MREG: variants seen among roughly 807,000 people sequenced by gnomAD.
MREG encodes dilute suppressor protein homolog.
Under a neutral mutation model 28.5 loss-of-function variants are expected in MREG, and 31 were observed. The ratio of observed to expected loss-of-function variants is 1.09; its 90% CI spans 0.82 to 1.47. The LOEUF is 1.47. Ranked by LOEUF, MREG falls within the 40% of genes most tolerant of loss-of-function variation. The pLI, the probability that MREG is intolerant of heterozygous loss-of-function variation, is 0.00. For synonymous variants in MREG, 106 were observed against 95.2 expected, an observed-to-expected ratio of 1.11 and a Z score of -0.66; for missense variants, 256 against 257.4, an observed-to-expected ratio of 0.99 and a Z score of 0.04.
intron 2 of MREG, among the ~76,000 whole-genome samples, chr2:215,948,237 T>TTTGCGA (rs1692371850): frequency 6.6e-6 from 1 of 152,240 alleles, no homozygotes; most frequent in Non-Finnish European, 1.5e-5. Context: ...TGTTTATAGA[T>TTTGCGA]ACCACTTGGA....
chr2:215,972,249 T>A (rs754499422), intron 2 of MREG, among the ~76,000 whole-genome samples: 3 of 152,194 alleles, frequency 2.0e-5, no homozygotes, highest in Non-Finnish European at 2.9e-5. Context: ...AAAGGTTATC[T>A]GGAACTCCAG....
intron 1 of MREG, among the ~76,000 whole-genome samples, chr2:216,002,792 A>C: frequency 6.7e-6 from 1 of 149,950 alleles, no homozygotes; most frequent in African/African-American, 2.5e-5. Flanking sequence ...TCTTTCCTTC[A>C]GTCCCTCCTT....
chr2:215,976,106 T>C, intron 2 of MREG, among the ~76,000 whole-genome samples: 2 of 86,448 alleles, frequency 2.3e-5, no homozygotes, highest in South Asian at 6.3e-4. Context: ...GGACTCCGTC[T>C]CAAAAAAAAA....
intron 2 of MREG, among the ~76,000 whole-genome samples, chr2:215,980,310 G>A (rs1158162618): frequency 6.6e-6 from 1 of 152,202 alleles, no homozygotes. Flanking sequence ...CTCCAGGGCA[G>A]TGAGGTCAAT....
At chr2:216,016,138 T>C (rs1237896349), upstream of MREG, among the ~76,000 whole-genome samples, 3 of 152,118 alleles carry the variant, frequency 2.0e-5, no homozygotes. Flanking sequence ...TCATGAAACA[T>C]TAACAGGATG....
rs1439821133 is a variant in MREG, at chr2:215,943,510, T to C, written c.*1353A>G. On this transcript the variant is annotated 3_prime_UTR_variant, in exon 5 of 5. Transcript: ENST00000263268. ...GAAAGAGGAGAGAAGAAAACAGAGG[T>C]CAAACACTTCAGTTTACAGATGCTA... 5 of 456,264 alleles carry C rather than the reference T, an allele frequency of 1.1e-5. No individual in the cohort carries two copies. Among genetic ancestry groups the C allele is most frequent in the Non-Finnish European group, 2.2e-5 (5 of 226,838 alleles). The allele number at this position is 456,264 out of a possible 1,614,324, so 28.3% of individuals were successfully genotyped here. A position where few individuals can be genotyped will look rare whatever the true frequency, so the allele number is the denominator to read the frequency against.
chr2:215,964,398 C>T (rs963844850), intron 2 of MREG, among the ~76,000 whole-genome samples: 19 of 152,128 alleles, frequency 1.2e-4, no homozygotes, highest in African/African-American at 4.1e-4. Flanking sequence ...GCACCAGAAT[C>T]GCTTGAACCC....
chr2:215,944,823 C>T lies in MREG; in HGVS notation c.*40G>A. On this transcript the variant is annotated 3_prime_UTR_variant, in exon 5 of 5. Coordinates refer to ENST00000263268, the MANE Select transcript of MREG (RefSeq NM_018000.3). ...GTCCAACTTTGGTTGACTGCTGAGT[C>T]CTCATGGAAGAATTCCCATTCTGCC... 1 of 1,547,272 alleles carries T rather than the reference C, an allele frequency of 6.5e-7. No homozygotes were observed. The highest frequency in any genetic ancestry group is 1.7e-5 in the Admixed American group (1 of 58,020).
chr2:216,000,058 C>T (rs1164142419), intron 1 of MREG, among the ~76,000 whole-genome samples: 1 of 152,224 alleles, frequency 6.6e-6, no homozygotes, highest in African/African-American at 2.4e-5. Flanking sequence ...GATGCTGACT[C>T]CAATTTCTTT....
intron 1 of MREG, among the ~76,000 whole-genome samples, chr2:216,027,347 T>C (rs1694611826): frequency 6.6e-6 from 1 of 152,142 alleles, no homozygotes; most frequent in Non-Finnish European, 1.5e-5. Context: ...CCCAGTAGAG[T>C]TCGAAGCTCT....
chr2:215,949,072 C>A (rs531699731), intron 2 of MREG, among the ~76,000 whole-genome samples: 15,602 of 115,400 alleles, frequency 0.14, 907 homozygotes, highest in East Asian at 0.34. Context: ...ACTACTACTA[C>A]TACTACTACT....
chr2:215,988,781 G>C (rs1024683345), intron 2 of MREG, among the ~76,000 whole-genome samples: 15 of 152,234 alleles, frequency 9.9e-5, no homozygotes, highest in African/African-American at 3.1e-4. Context: ...CCGCTGGGAA[G>C]TTTGAACTGG....
chr2:215,956,678 A>G (rs1692635907), intron 2 of MREG, among the ~76,000 whole-genome samples: 1 of 152,094 alleles, frequency 6.6e-6, no homozygotes, highest in Non-Finnish European at 1.5e-5. Context: ...TGTTAGGACT[A>G]CAGGTGTGCA....
At chr2:216,011,315 T>C (rs1694302499) in intron 1 of MREG, among the ~76,000 whole-genome samples, 1 of 152,184 alleles carries the variant, frequency 6.6e-6, no homozygotes, top group Admixed American at 6.5e-5. Flanking sequence ...CAAATATTGT[T>C]ATATGGAAAT....
intron 2 of MREG, among the ~76,000 whole-genome samples, chr2:215,960,122 A>AT (rs776887122): frequency 6.6e-5 from 10 of 151,934 alleles, no homozygotes; most frequent in Admixed American, 2.0e-4. Flanking sequence ...TGCCCAGCTA[A>AT]TTTTTTGTAT....
chr2:215,979,687 T>C (rs1455215928), intron 2 of MREG, among the ~76,000 whole-genome samples: 1 of 151,756 alleles, frequency 6.6e-6, no homozygotes, highest in Non-Finnish European at 1.5e-5. Flanking sequence ...TTTTTTAAAA[T>C]AAATAGTTTA....
chr2:215,997,489 A>G (rs1322630904), intron 1 of MREG, among the ~76,000 whole-genome samples: 1 of 152,220 alleles, frequency 6.6e-6, no homozygotes, highest in Non-Finnish European at 1.5e-5. Context: ...CACTTCATCT[A>G]GTAATATGTA....
chr2:215,991,257 A>G (rs914562094), intron 2 of MREG, among the ~76,000 whole-genome samples: 11 of 152,362 alleles, frequency 7.2e-5, no homozygotes, highest in Non-Finnish European at 1.5e-4. Context: ...CCACAAAACT[A>G]CATGGAAACT....
chr2:216,021,496 C>T (rs1469943501), intron 1 of MREG, among the ~76,000 whole-genome samples: 1 of 152,136 alleles, frequency 6.6e-6, no homozygotes, highest in African/African-American at 2.4e-5. Flanking sequence ...TATAAAGAGA[C>T]ACTCGCTTTT....
Sources: allele counts gnomAD v4.1 joint callset (sites outside exome capture counted in the v4.1 genomes callset), GRCh38; gene constraint gnomAD v4.1.1; transcripts MANE v1.5; gene names NCBI Gene and HGNC (gene_info 2026-07-23, HGNC 2026-07-21).